The following DMD variants were observed in gnomAD, a reference collection of about 807,000 sequenced individuals.
DMD encodes mutant dystrophin.
In DMD, 63 loss-of-function variants were observed where a neutral mutation model predicts 330.1. That is an observed-to-expected ratio of 0.19 (90% CI 0.16 to 0.24). The LOEUF (loss-of-function observed/expected upper bound fraction) is 0.24. Among genes scored for constraint, DMD ranks in the 10% least tolerant of loss-of-function variants. The pLI is 1.00. For missense variants in DMD, 3,344 were observed against 2,684.1 expected (o/e 1.25, Z -5.43); for synonymous variants, 1,223 against 959.8 (o/e 1.27, Z -5.07).
intron 1 of DMD, among the ~76,000 whole-genome samples, chrX:33,067,601 G>C (rs1176656595): frequency 1.8e-5 from 2 of 112,210 alleles, no homozygotes; most frequent in African/African-American, 6.5e-5. Context: ...AGCACTTTGG[G>C]AGGCCAAGGC....
chrX:32,430,231 T>A (rs369698954), intron 29 of DMD, among the ~76,000 whole-genome samples: 2 of 111,991 alleles, frequency 1.8e-5, no homozygotes, highest in East Asian at 5.6e-4. Context: ...GCTGCTAATA[T>A]AAATTTGTCT....
intron 43 of DMD, among the ~76,000 whole-genome samples, chrX:32,236,036 T>C (rs1433529464): frequency 1.8e-5 from 2 of 111,836 alleles, no homozygotes; most frequent in Non-Finnish European, 3.8e-5. Context: ...AAAATCATGG[T>C]AAAATAAAAT....
intron 45 of DMD, among the ~76,000 whole-genome samples, chrX:31,953,735 C>T (rs1268749786): frequency 9.0e-6 from 1 of 111,585 alleles, no homozygotes; most frequent in Non-Finnish European, 1.9e-5. Flanking sequence ...ACTCTTACAA[C>T]ATCTCTATAA....
intron 55 of DMD, among the ~76,000 whole-genome samples, chrX:31,551,691 G>A (rs2074494793): frequency 8.9e-6 from 1 of 112,290 alleles, no homozygotes; most frequent in African/African-American, 3.2e-5. Flanking sequence ...TTTAAAAGAT[G>A]TGCTTTGGGT....
chrX:33,010,097 T>C (rs764976922), intron 2 of DMD, among the ~76,000 whole-genome samples: 3 of 99,624 alleles, frequency 3.0e-5, no homozygotes, highest in Non-Finnish European at 6.2e-5. Flanking sequence ...TATATATACA[T>C]GTATATGCAC....
chrX:32,953,672 A>T (rs2091399446), intron 2 of DMD, among the ~76,000 whole-genome samples: 1 of 112,328 alleles, frequency 8.9e-6, no homozygotes, highest in African/African-American at 3.2e-5. Context: ...GACCTGTAAT[A>T]AAGTTTAAGA....
chrX:32,403,649 A>G (rs1268845827), intron 30 of DMD, among the ~76,000 whole-genome samples: 1 of 111,899 alleles, frequency 8.9e-6, no homozygotes, highest in Non-Finnish European at 1.9e-5. Flanking sequence ...CTAACAAGTT[A>G]TTCTTAAATG....
intron 1 of DMD, among the ~76,000 whole-genome samples, chrX:33,154,467 G>A (rs1307231490): frequency 9.0e-6 from 1 of 111,483 alleles, no homozygotes; most frequent in African/African-American, 3.3e-5. Context: ...TATCTCCTCA[G>A]TCTTTGAATT....
intron 52 of DMD, among the ~76,000 whole-genome samples, chrX:31,682,371 GTT>G (rs2082428979): frequency 9.0e-6 from 1 of 111,384 alleles, no homozygotes; most frequent in African/African-American, 3.3e-5. Context: ...GAACGCCATT[GTT>G]TTGTGTGTCT....
intron 45 of DMD, among the ~76,000 whole-genome samples, chrX:31,949,006 C>T (rs1238989017): frequency 9.0e-6 from 1 of 111,641 alleles, no homozygotes; most frequent in Admixed American, 9.5e-5. Context: ...ACCACACTGT[C>T]TTCATCATTG....
chrX:32,185,369 CA>C (rs2096942071), intron 44 of DMD, among the ~76,000 whole-genome samples: 1 of 111,039 alleles, frequency 9.0e-6, no homozygotes, highest in South Asian at 3.8e-4. Context: ...TGTTTCTTCA[CA>C]ATAACTCCCA....
At chrX:32,092,027 A>G (rs1351833304) in intron 44 of DMD, among the ~76,000 whole-genome samples, 1 of 111,935 alleles carries the variant, frequency 8.9e-6, no homozygotes, top group Non-Finnish European at 1.9e-5. Context: ...CATTATTTCA[A>G]CATTTAAAAT....
At chrX:31,152,029 G>C (rs1014847061) in intron 74 of DMD, among the ~76,000 whole-genome samples, 22 of 112,002 alleles carry the variant, frequency 2.0e-4, no homozygotes, top group African/African-American at 7.2e-4. Context: ...ACAAAGTCTA[G>C]AATTTATCCT....
chrX:31,905,884 A>G (rs1206819137), intron 47 of DMD, among the ~76,000 whole-genome samples: 1 of 112,101 alleles, frequency 8.9e-6, no homozygotes, highest in Admixed American at 9.5e-5. Context: ...AAATGCATGA[A>G]AAATTATAAA....
chrX:31,152,503 G>A (rs1429550508), intron 74 of DMD, among the ~76,000 whole-genome samples: 1 of 104,521 alleles, frequency 9.6e-6, no homozygotes, highest in East Asian at 3.0e-4. Flanking sequence ...TGTTGTACTA[G>A]TGTATTATTT....
At chrX:32,591,961 G>C (rs1019593638) in intron 13 of DMD, among the ~76,000 whole-genome samples, 2 of 112,679 alleles carry the variant, frequency 1.8e-5, no homozygotes, top group Non-Finnish European at 3.8e-5. Context: ...GTGTGTGCTC[G>C]GGACAGTGCT....
chrX:32,390,219 C>T (rs757615291), intron 30 of DMD, 38 bp from the exon 31 acceptor site: 2 of 995,721 alleles, frequency 2.0e-6, no homozygotes, highest in Non-Finnish European at 2.9e-6. Flanking sequence ...GCATGCTCTA[C>T]AAAGAACAAC....
At chrX:32,384,241 T>C (rs1290012310) in intron 33 of DMD, among the ~76,000 whole-genome samples, 1 of 110,392 alleles carries the variant, frequency 9.1e-6, no homozygotes. Context: ...TAATTGATGT[T>C]AAATATGAAA....
chrX:32,809,359 C>A, intron 7 of DMD, 134 bp downstream of exon 7: 1 of 542,901 alleles, frequency 1.8e-6, no homozygotes, highest in Non-Finnish European at 3.2e-6. Context: ...GAAGGCTGAA[C>A]ATTTTAAATA....
Sources: gnomAD v4.1 joint callset for allele counts (sites outside exome capture counted in the v4.1 genomes callset) on GRCh38, gnomAD v4.1.1 for gene constraint, MANE v1.5 for transcripts, NCBI Gene and HGNC (gene_info 2026-07-23, HGNC 2026-07-21) for gene names.